SPOCK1: variants seen among roughly 807,000 people sequenced by gnomAD.
SPOCK1 encodes SPARC (osteonectin), cwcv and kazal like domains proteoglycan 1.
A neutral mutation model predicts 55.3 loss-of-function variants in SPOCK1; 23 were observed. That is an observed-to-expected ratio of 0.42 (90% CI 0.30 to 0.59). SPOCK1 has a LOEUF of 0.59. Ranked by LOEUF, SPOCK1 falls within the 20% of genes least tolerant of loss-of-function variation. SPOCK1 has a pLI of 0.22. For missense variants in SPOCK1, 499 were observed against 552.5 expected, an observed-to-expected ratio of 0.90 and a Z score of 0.97; for synonymous variants, 226 against 221.0, an observed-to-expected ratio of 1.02 and a Z score of -0.20.
At chr5:137,301,284 G>A (rs1368724112) in intron 2 of SPOCK1, among the ~76,000 whole-genome samples, 1 of 152,188 alleles carries the variant, frequency 6.6e-6, no homozygotes, top group Non-Finnish European at 1.5e-5. Context: ...CCCAGTAGAT[G>A]CCTGTGGCTG....
chr5:137,445,665 G>C (rs1382374129), intron 2 of SPOCK1, among the ~76,000 whole-genome samples: 2 of 152,168 alleles, frequency 1.3e-5, no homozygotes, highest in African/African-American at 4.8e-5. Flanking sequence ...ATTTAATCCA[G>C]CAATCCTCTA....
chr5:137,166,986 G>A (rs536821294), intron 3 of SPOCK1, among the ~76,000 whole-genome samples: 1 of 152,154 alleles, frequency 6.6e-6, no homozygotes, highest in East Asian at 1.9e-4. Context: ...AACATTGAAA[G>A]TAAGTGGACT....
intron 6 of SPOCK1, among the ~76,000 whole-genome samples, chr5:136,996,839 A>C (rs923478013): frequency 1.3e-5 from 2 of 152,062 alleles, no homozygotes; most frequent in Admixed American, 1.3e-4. Flanking sequence ...CAAATAAAGG[A>C]ATAAAAGCTG....
intron 2 of SPOCK1, among the ~76,000 whole-genome samples, chr5:137,407,904 A>T (rs899681422): frequency 6.6e-6 from 1 of 152,010 alleles, no homozygotes; most frequent in Non-Finnish European, 1.5e-5. Flanking sequence ...CTTCCAAGCC[A>T]CAGGGCCCTG....
intron 2 of SPOCK1, among the ~76,000 whole-genome samples, chr5:137,355,238 G>T (rs1750766547): frequency 6.6e-6 from 1 of 152,062 alleles, no homozygotes; most frequent in African/African-American, 2.4e-5. Flanking sequence ...TGTCATCCAG[G>T]CTGAAGTGCA....
intron 2 of SPOCK1, among the ~76,000 whole-genome samples, chr5:137,413,473 G>A (rs889860546): frequency 2.6e-5 from 4 of 152,090 alleles, no homozygotes; most frequent in Non-Finnish European, 4.4e-5. Context: ...CAGCTGAGTG[G>A]ATAGATGAAT....
intron 3 of SPOCK1, among the ~76,000 whole-genome samples, chr5:137,231,475 T>C (rs1286835401): frequency 2.6e-5 from 4 of 152,248 alleles, no homozygotes; most frequent in East Asian, 3.8e-4. Context: ...AAAAATATTA[T>C]ATAATTATAC....
chr5:137,362,021 G>A (rs2127166529), intron 2 of SPOCK1, among the ~76,000 whole-genome samples: 1 of 152,282 alleles, frequency 6.6e-6, no homozygotes, highest in Admixed American at 6.5e-5. Context: ...GATGGAGGTG[G>A]AAGAAATGCC....
At chr5:137,498,636 C>T in intron 1 of SPOCK1, 78 bp from the exon 2 acceptor site, 3 of 1,169,766 alleles carry the variant, frequency 2.6e-6, no homozygotes, top group Non-Finnish European at 3.2e-6. Context: ...CGTCCCAGCG[C>T]CCCAGCCCGG....
intron 6 of SPOCK1, among the ~76,000 whole-genome samples, chr5:137,066,717 G>A (rs1752510402): frequency 6.6e-6 from 1 of 152,116 alleles, no homozygotes; most frequent in South Asian, 2.1e-4. Context: ...ATAATAACTG[G>A]AGATTATTTG....
chr5:137,321,574 T>G (rs1205876739), intron 2 of SPOCK1, among the ~76,000 whole-genome samples: 3 of 151,548 alleles, frequency 2.0e-5, no homozygotes, highest in Non-Finnish European at 4.4e-5. Flanking sequence ...ATATTCAAAG[T>G]GATTAAAAAA....
At chr5:137,220,416 A>G (rs897943945) in intron 3 of SPOCK1, among the ~76,000 whole-genome samples, 1 of 152,098 alleles carries the variant, frequency 6.6e-6, no homozygotes, top group African/African-American at 2.4e-5. Flanking sequence ...ATGGATCATC[A>G]TTTTCTAAGT....
intron 2 of SPOCK1, among the ~76,000 whole-genome samples, chr5:137,476,402 C>CATAT (rs1561545736): frequency 6.6e-6 from 1 of 152,224 alleles, no homozygotes; most frequent in Non-Finnish European, 1.5e-5. Context: ...TGCATAGGTA[C>CATAT]TATGTACTAA....
intron 2 of SPOCK1, among the ~76,000 whole-genome samples, chr5:137,448,026 T>C (rs930671784): frequency 6.6e-6 from 1 of 152,162 alleles, no homozygotes; most frequent in Non-Finnish European, 1.5e-5. Context: ...GGTGGACAGA[T>C]TGCCTGAGGT....
At chr5:137,146,070 G>A (rs34812669) in intron 3 of SPOCK1, among the ~76,000 whole-genome samples, 29,544 of 152,048 alleles carry the variant, frequency 0.19, 3,051 homozygotes, top group Middle Eastern at 0.29. Flanking sequence ...GACTAAAGTC[G>A]GGGGAGAGGG....
intron 6 of SPOCK1, among the ~76,000 whole-genome samples, chr5:137,013,006 C>T (rs561972337): frequency 2.0e-5 from 3 of 152,168 alleles, no homozygotes; most frequent in Non-Finnish European, 4.4e-5. Context: ...TTTGACCCCA[C>T]TTTTGTAACA....
At chr5:137,070,415 T>G (rs1752589450) in intron 5 of SPOCK1, among the ~76,000 whole-genome samples, 1 of 152,250 alleles carries the variant, frequency 6.6e-6, no homozygotes, top group Non-Finnish European at 1.5e-5. Context: ...GAAAAGGTTT[T>G]AGTTAGTGTT....
At chr5:137,069,102 A>AT (rs371662754) in intron 5 of SPOCK1, among the ~76,000 whole-genome samples, 54 of 152,372 alleles carry the variant, frequency 3.5e-4, no homozygotes, top group African/African-American at 1.1e-3. Flanking sequence ...GTCCACTAGC[A>AT]TTTGCAAAGC....
In SPOCK1 at chr5:137,334,118, T is replaced by C. The variant is rs1039975571; in HGVS notation, c.187-67063A>G. Among the ~76,000 whole-genome samples the C allele has an allele frequency of 2.0e-5, 3 of 152,316 alleles. No individual in the cohort carries two copies. In the South Asian group the frequency reaches 6.2e-4, roughly 32 times the overall value. On this transcript the variant is annotated intron_variant, in intron 2 of 10. Coordinates refer to ENST00000394945, the MANE Select transcript of SPOCK1 (RefSeq NM_004598.4). ...CTGTTTCTGCCTGGCTCTTGTGCTG[T>C]GAGCTGTACAAAATTCGCTGTCTTC...
Sources: allele counts gnomAD v4.1 joint callset (sites outside exome capture counted in the v4.1 genomes callset), GRCh38; gene constraint gnomAD v4.1.1; transcripts MANE v1.5; gene names NCBI Gene and HGNC (gene_info 2026-07-23, HGNC 2026-07-21).